Variants in NEGR1 observed in about 807,000 individuals in gnomAD.
NEGR1 encodes neuronal growth regulator 1.
A neutral mutation model predicts 40.9 loss-of-function variants in NEGR1; 10 were observed. The observed-to-expected ratio is 0.24, with a 90% CI of 0.15 to 0.42. NEGR1 has a LOEUF of 0.42. Among genes scored for constraint, NEGR1 ranks in the 10% least tolerant of loss-of-function variants. The pLI, the probability that NEGR1 is intolerant of heterozygous loss-of-function variation, is 1.00. For synonymous variants in NEGR1, 185 were observed against 166.8 expected (o/e 1.11, Z -0.84); for missense variants, 352 against 438.9 (o/e 0.80, Z 1.77).
intron 6 of NEGR1, among the ~76,000 whole-genome samples, chr1:71,484,200 G>A (rs746381071): frequency 6.6e-6 from 1 of 151,396 alleles, no homozygotes; most frequent in African/African-American, 2.4e-5. Flanking sequence ...TGGTGATTTC[G>A]AACACTCTAA....
chr1:72,226,817 A>T (rs1041937820), intron 1 of NEGR1, among the ~76,000 whole-genome samples: 2 of 152,088 alleles, frequency 1.3e-5, no homozygotes, highest in East Asian at 3.9e-4. Flanking sequence ...TAGGAAACAA[A>T]GCAAAACATT....
chr1:72,060,883 A>G (rs1035644335), intron 1 of NEGR1, among the ~76,000 whole-genome samples: 14 of 151,556 alleles, frequency 9.2e-5, no homozygotes, highest in Non-Finnish European at 1.9e-4. Context: ...GTTTTTTTAG[A>G]GGTAGATTTT....
chr1:72,007,689 C>A (rs1020139343), intron 1 of NEGR1, among the ~76,000 whole-genome samples: 2 of 152,148 alleles, frequency 1.3e-5, no homozygotes, highest in African/African-American at 2.4e-5. Flanking sequence ...ACTATAATTT[C>A]TTCTGCTCAA....
chr1:71,839,618 G>A (rs1180340238), intron 2 of NEGR1, among the ~76,000 whole-genome samples: 1 of 152,086 alleles, frequency 6.6e-6, no homozygotes, highest in East Asian at 1.9e-4. Context: ...AGAGCAAAAA[G>A]TAGTGGCTTA....
At chr1:71,825,595 C>A (rs1399566718) in intron 2 of NEGR1, among the ~76,000 whole-genome samples, 2 of 151,826 alleles carry the variant, frequency 1.3e-5, no homozygotes, top group Non-Finnish European at 2.9e-5. Flanking sequence ...GATATTGAAT[C>A]CTTGTCTGCA....
intron 1 of NEGR1, among the ~76,000 whole-genome samples, chr1:72,097,145 T>C (rs1648734019): frequency 6.6e-6 from 1 of 152,218 alleles, no homozygotes; most frequent in Non-Finnish European, 1.5e-5. Flanking sequence ...TGGTATTTTA[T>C]AATGATTAAA....
intron 4 of NEGR1, among the ~76,000 whole-genome samples, chr1:71,655,827 G>C (rs1651857247): frequency 6.6e-6 from 1 of 152,164 alleles, no homozygotes. Flanking sequence ...AGGGAAAGTA[G>C]CAGTTGCCAC....
chr1:71,919,504 T>TTG (rs1645680122), intron 2 of NEGR1, among the ~76,000 whole-genome samples: 1 of 152,040 alleles, frequency 6.6e-6, no homozygotes, highest in African/African-American at 2.4e-5. Context: ...ACCTTTTTTT[T>TTG]TTTTTTTTAG....
chr1:72,253,885 C>T (rs1389577539), intron 1 of NEGR1, among the ~76,000 whole-genome samples: 1 of 152,114 alleles, frequency 6.6e-6, no homozygotes, highest in Non-Finnish European at 1.5e-5. Context: ...AGTAAATAGA[C>T]ACTAACTGAA....
At chr1:71,684,609 T>C (rs1652960603) in intron 4 of NEGR1, among the ~76,000 whole-genome samples, 1 of 152,238 alleles carries the variant, frequency 6.6e-6, no homozygotes, top group Non-Finnish European at 1.5e-5. Flanking sequence ...CATAATTCTA[T>C]ATGTAGAGTC....
intron 6 of NEGR1, among the ~76,000 whole-genome samples, chr1:71,591,710 C>A (rs1429339277): frequency 6.6e-6 from 1 of 151,920 alleles, no homozygotes; most frequent in African/African-American, 2.4e-5. Context: ...AAATCGAGTG[C>A]TAAAGGATAT....
intron 1 of NEGR1, among the ~76,000 whole-genome samples, chr1:72,083,383 T>C (rs910247492): frequency 6.6e-6 from 1 of 152,002 alleles, no homozygotes; most frequent in Non-Finnish European, 1.5e-5. Flanking sequence ...GTTATTGCTA[T>C]GTTTCCCAGG....
chr1:71,913,715 C>A (rs1048504714), intron 2 of NEGR1, among the ~76,000 whole-genome samples: 2 of 152,016 alleles, frequency 1.3e-5, no homozygotes, highest in African/African-American at 4.8e-5. Flanking sequence ...CATTTCTAAT[C>A]TTTTATAACA....
chr1:71,809,644 G>A (rs1309373880), intron 2 of NEGR1, among the ~76,000 whole-genome samples: 3 of 152,054 alleles, frequency 2.0e-5, no homozygotes, highest in Non-Finnish European at 2.9e-5. Flanking sequence ...AAATAAATAA[G>A]AATGTCTCTA....
chr1:71,942,841 A>T (rs894635677), intron 1 of NEGR1, among the ~76,000 whole-genome samples: 7 of 144,698 alleles, frequency 4.8e-5, no homozygotes, highest in African/African-American at 1.8e-4. Flanking sequence ...TTGCTCTGTC[A>T]CCCAGGCTTG....
intron 2 of NEGR1, among the ~76,000 whole-genome samples, chr1:71,784,837 A>G (rs1410768432): frequency 6.6e-6 from 1 of 152,234 alleles, no homozygotes; most frequent in Non-Finnish European, 1.5e-5. Context: ...ATGTGATAAA[A>G]TGAGCTTTTA....
intron 2 of NEGR1, among the ~76,000 whole-genome samples, chr1:71,860,918 G>A (rs1365753491): frequency 9.2e-5 from 14 of 151,950 alleles, no homozygotes; most frequent in Admixed American, 9.2e-4. Context: ...ACATAATCAA[G>A]TTAAAATAGT....
chr1:72,127,429 A>C (rs942952971), intron 1 of NEGR1, among the ~76,000 whole-genome samples: 1 of 126,796 alleles, frequency 7.9e-6, no homozygotes, highest in Non-Finnish European at 1.6e-5. Flanking sequence ...ACAACACTGC[A>C]CTCCAGCCTG....
chr1:71,746,061 T>C (rs969924677), intron 3 of NEGR1, among the ~76,000 whole-genome samples: 11 of 152,192 alleles, frequency 7.2e-5, no homozygotes, highest in Non-Finnish European at 1.3e-4. Context: ...CCATATTTCA[T>C]TGAACCTACG....
Sources: allele counts gnomAD v4.1 joint callset (sites outside exome capture counted in the v4.1 genomes callset), GRCh38; gene constraint gnomAD v4.1.1; transcripts MANE v1.5; gene names NCBI Gene and HGNC (gene_info 2026-07-23, HGNC 2026-07-21).